Variants in MAP7 observed in about 807,000 individuals in gnomAD.
MAP7 encodes the protein microtubule associated protein 7.
Under a neutral mutation model 94.8 loss-of-function variants are expected in MAP7, and 52 were observed. The observed-to-expected ratio is 0.55, with a 90% CI of 0.44 to 0.69. The LOEUF (loss-of-function observed/expected upper bound fraction) is 0.69, where lower values mean the gene tolerates loss of function less well. MAP7 is among the 30% of genes least tolerant of loss of function. The pLI, the probability that MAP7 is intolerant of heterozygous loss-of-function variation, is 0.00. For synonymous variants in MAP7, 350 were observed against 357.0 expected, an observed-to-expected ratio of 0.98 and a Z score of 0.22; for missense variants, 940 against 964.6, an observed-to-expected ratio of 0.97 and a Z score of 0.34.
intron 10 of MAP7, among the ~76,000 whole-genome samples, chr6:136,363,478 T>C (rs559689114): frequency 6.6e-6 from 1 of 152,374 alleles, no homozygotes; most frequent in African/African-American, 2.4e-5. Flanking sequence ...CACAGACTTT[T>C]CTCGGCCATC....
intron 1 of MAP7, among the ~76,000 whole-genome samples, chr6:136,497,005 C>G (rs1460639461): frequency 6.6e-6 from 1 of 151,770 alleles, no homozygotes; most frequent in Non-Finnish European, 1.5e-5. Flanking sequence ...ATAACCTAAC[C>G]TATAACGTAA....
chr6:136,366,915 A>G (rs564182364), intron 8 of MAP7, among the ~76,000 whole-genome samples: 1 of 152,328 alleles, frequency 6.6e-6, no homozygotes, highest in South Asian at 2.1e-4. Flanking sequence ...TATATTAGAC[A>G]TAAACTCATT....
rs780347919 is a variant in MAP7, at chr6:136,362,690, A to AAGGCTGGAGCTGGGGCCG, written c.1285_1286insCGGCCCCAGCTCCAGCCT (p.Met429delinsThrAlaProAlaProAlaLeu). 2.4e-5 allele frequency: 39 copies of AAGGCTGGAGCTGGGGCCG among 1,595,970 alleles called. No individual in the cohort carries two copies. In the Admixed American group the frequency reaches 4.1e-4, roughly 17 times the overall value. On this transcript the variant is annotated protein_altering_variant, in exon 11 of 18. Coordinates refer to ENST00000354570, the MANE Select transcript of MAP7 (RefSeq NM_003980.6). ...TGGGGCCGAGGCTGGAGCTGGGGCC[A>AAGGCTGGAGCTGGGGCCG]TGGCTGGAGCAGCTGCACAAATAGG...
chr6:136,422,992 T>C (rs374996701), intron 1 of MAP7, among the ~76,000 whole-genome samples: 3 of 152,192 alleles, frequency 2.0e-5, no homozygotes, highest in Admixed American at 2.0e-4. Flanking sequence ...TTATTTGGCC[T>C]CTCTAAGTAG....
At position 136,344,213 on chromosome 6, in the gene MAP7, C is replaced by A. The variant is rs753669572; in HGVS notation, c.*15G>T. The A allele has an allele frequency of 1.5e-6, 2 of 1,322,208 alleles. No homozygotes were observed. The highest frequency in any genetic ancestry group is 2.0e-6 in the Non-Finnish European group (2 of 989,670). 81.9% of individuals were successfully genotyped at this position (1,322,208 alleles called of 1,614,324 possible). A position where few individuals can be genotyped will look rare whatever the true frequency, so the allele number is the denominator to read the frequency against. On this transcript the variant is annotated 3_prime_UTR_variant, in exon 18 of 18. Coordinates refer to ENST00000354570, the MANE Select transcript of MAP7 (RefSeq NM_003980.6). ...TTCTCATTAAATTTCAGCTTTGGTT[C>A]TTCAGAAGAAACACTCATATAACTT... is the stretch of plus-strand genomic sequence containing the variant.
At chr6:136,359,349 GATAA>G (rs1206468803) in intron 15 of MAP7, among the ~76,000 whole-genome samples, 2 of 152,000 alleles carry the variant, frequency 1.3e-5, no homozygotes, top group African/African-American at 4.8e-5. Context: ...TCAGATCTAA[GATAA>G]ATAACATTTA....
At chr6:136,456,744 A>AAGGAGGAGGAGGAGGAGG (rs1238757592) in intron 1 of MAP7, among the ~76,000 whole-genome samples, 2 of 67,432 alleles carry the variant, frequency 3.0e-5, no homozygotes, top group African/African-American at 1.3e-4. Flanking sequence ...GGAAGAGGAG[A>AAGGAGGAGGAGGAGGAGG]AGGAGGAGGA....
At chr6:136,493,377 C>T (rs936204991) in intron 1 of MAP7, among the ~76,000 whole-genome samples, 2 of 152,058 alleles carry the variant, frequency 1.3e-5, no homozygotes, top group African/African-American at 4.8e-5. Flanking sequence ...CCCACCTTGG[C>T]CTTCCAAAGT....
chr6:136,377,858 C>A lies in MAP7; in HGVS notation c.648G>T (p.Leu216=), dbSNP rs767016258. Residue 216 remains leucine, a synonymous_variant, in exon 7 of 18, where the codon CTG becomes CTT. Transcript: ENST00000354570. ...LLNSPDRARR[L]QLSPWESSVV... The stretch of plus-strand genomic sequence containing the variant: ...CGCTGCTCTCCCATGGGCTGAGCTG[C>A]AGGCGGCGAGCTAAACGTCACCACA... 1 of 1,613,402 alleles carries A rather than the reference C, an allele frequency of 6.2e-7. No individual in the cohort carries two copies. Among genetic ancestry groups the A allele is most frequent in the South Asian group, 1.1e-5 (1 of 91,068 alleles).
chr6:136,362,510 A>G lies in MAP7; in HGVS notation c.1466T>C (p.Leu489Pro), dbSNP rs1793118666. 2 of 1,614,066 alleles carry G rather than the reference A, an allele frequency of 1.2e-6. No homozygotes were observed. The highest frequency in any genetic ancestry group is 3.3e-4 in the Middle Eastern group (2 of 6,062). The part of the protein sequence containing the change: ...ATRLLAEKRR[L>P]AREQREKEER... ...TTCCTTTTCTCTCTGCTCTCGGGCC[A>G]GCCGCCTCTTCTCAGCTAGAAGCCT... The change falls in exon 11 of 18, where the codon CTG becomes CCG. Residue 489 changes from leucine (L) to proline (P), a missense_variant. Coordinates refer to ENST00000354570, the MANE Select transcript of MAP7 (RefSeq NM_003980.6).
chr6:136,347,963 T>TA (rs1001155368), intron 16 of MAP7, among the ~76,000 whole-genome samples: 3 of 151,846 alleles, frequency 2.0e-5, no homozygotes, highest in African/African-American at 2.4e-5. Flanking sequence ...GGAATGCCAC[T>TA]AGGCATTATA....
At chr6:136,457,701 A>G (rs1252472909) in intron 1 of MAP7, among the ~76,000 whole-genome samples, 1 of 152,210 alleles carries the variant, frequency 6.6e-6, no homozygotes, top group African/African-American at 2.4e-5. Flanking sequence ...GATTAAAAAA[A>G]ACACATGACC....
intron 1 of MAP7, among the ~76,000 whole-genome samples, chr6:136,425,902 C>CA (rs1396548558): frequency 6.6e-6 from 1 of 152,156 alleles, no homozygotes; most frequent in East Asian, 1.9e-4. Context: ...TCGAACAGTA[C>CA]ACTACTCCAT....
At chr6:136,530,149 T>C (rs566054927) in intron 1 of MAP7, among the ~76,000 whole-genome samples, 1 of 152,320 alleles carries the variant, frequency 6.6e-6, no homozygotes, top group South Asian at 2.1e-4. Context: ...AAAATTTCCC[T>C]TTCTAAAAGC....
chr6:136,484,204 A>G (rs565873231), intron 1 of MAP7, among the ~76,000 whole-genome samples: 1 of 152,346 alleles, frequency 6.6e-6, no homozygotes, highest in Admixed American at 6.5e-5. Context: ...CTTGAGCCCT[A>G]TTAAGAACTG....
chr6:136,547,362 T>C (rs1829813569), intron 1 of MAP7, among the ~76,000 whole-genome samples: 1 of 152,200 alleles, frequency 6.6e-6, no homozygotes, highest in Admixed American at 6.5e-5. Flanking sequence ...TGCTTTTAGT[T>C]CAGGAGGTTT....
chr6:136,351,691 T>C (rs1789259672), intron 16 of MAP7, among the ~76,000 whole-genome samples: 1 of 152,208 alleles, frequency 6.6e-6, no homozygotes, highest in African/African-American at 2.4e-5. Flanking sequence ...GAAGGAGTCT[T>C]TTAGAGATAA....
Position 136,362,700 on chromosome 6 carries a change from C to A in MAP7, c.1276G>T (p.Ala426Ser). The A allele has an allele frequency of 6.3e-7, 1 of 1,585,234 alleles. No homozygotes were observed. The highest frequency in any genetic ancestry group is 8.5e-7 in the Non-Finnish European group (1 of 1,170,678). Residue 426 changes from alanine to serine, a missense_variant and splice_region_variant, in exon 11 of 18, where the codon GCT becomes TCT. By Grantham distance (99) the Ala-to-Ser change is moderately conservative. Coordinates refer to ENST00000354570, the MANE Select transcript of MAP7 (RefSeq NM_003980.6). Reference sequence around the variant, plus strand: ...GCTGGAGCTGGGGCCATGGCTGGAGCAGCTGCACAAATAGGTACAAGGAGA... The same window carrying A: ...GCTGGAGCTGGGGCCATGGCTGGAGAAGCTGCACAAATAGGTACAAGGAGA... ...TPAEPEVGPAAPAMAPAPASA... is the reference protein window; with the variant it reads ...TPAEPEVGPASPAMAPAPASA...
At position 136,461,195 on chromosome 6, in the gene MAP7, T is replaced by C. The variant is rs3799431; in HGVS notation, c.68-39396A>G. Reference sequence around the variant, plus strand: ...AAGAGAATTCTCACTTATGTATAGCTACAATTCATGTAAAGAAACAGCTTT... The same window carrying C: ...AAGAGAATTCTCACTTATGTATAGCCACAATTCATGTAAAGAAACAGCTTT... On this transcript the variant is annotated intron_variant, in intron 1 of 17. Transcript: ENST00000354570. Among the ~76,000 whole-genome samples, 1,884 of 152,324 alleles carry C rather than the reference T, an allele frequency of 0.012. 82 individuals are homozygous for C. In the East Asian group the frequency reaches 0.14, roughly 11 times the overall value.
Sources: allele counts gnomAD v4.1 joint callset (sites outside exome capture counted in the v4.1 genomes callset), GRCh38; gene constraint gnomAD v4.1.1; transcripts MANE v1.5; gene names NCBI Gene and HGNC (gene_info 2026-07-23, HGNC 2026-07-21).